The following CHEK1 variants were observed in gnomAD, a reference collection of about 807,000 sequenced individuals.
The protein encoded by CHEK1 is checkpoint kinase 1, also known as serine/threonine-protein kinase Chk1.
Under a neutral mutation model 60.2 loss-of-function variants are expected in CHEK1, and 32 were observed. That is an observed-to-expected ratio of 0.53 (90% CI 0.40 to 0.71). CHEK1 has a LOEUF of 0.71. Among genes scored for constraint, CHEK1 ranks in the 30% least tolerant of loss-of-function variants. The pLI, the probability that CHEK1 is intolerant of heterozygous loss-of-function variation, is 0.00. For synonymous variants in CHEK1, 179 were observed against 187.2 expected (o/e 0.96, Z 0.36); for missense variants, 399 against 564.6 (o/e 0.71, Z 2.97).
At chr11:125,651,284 C>CTTTTTTTTTTTTT (rs1491232730) in intron 11 of CHEK1, among the ~76,000 whole-genome samples, 1 of 133,190 alleles carries the variant, frequency 7.5e-6, no homozygotes. Context: ...AAAGACAAGC[C>CTTTTTTTTTTTTT]TCTTTTTTTT....
In CHEK1 at chr11:125,626,060, T is replaced by C. The variant is rs113393331; in HGVS notation, c.-21+48T>C. On this transcript the variant is annotated intron_variant, in intron 1 of 12. Coordinates refer to ENST00000438015, the MANE Select transcript of CHEK1 (RefSeq NM_001114122.3). ...GTAGGGAAGGTTTCTAAAGAAGGAG[T>C]TCGGGGTCTAGATTAGTGAGGGAGG... 232 of 684,622 alleles carry C rather than the reference T, an allele frequency of 3.4e-4. 1 individual carries two copies. The African/African-American group carries it at 3.7e-3, about 11-fold the overall frequency. The allele number at this position is 684,622 out of a possible 1,614,324, so 42.4% of individuals were successfully genotyped here.
chr11:125,635,583 T>A, intron 7 of CHEK1, 50 bp downstream of exon 7: 1 of 1,188,922 alleles, frequency 8.4e-7, no homozygotes, highest in Non-Finnish European at 1.2e-6. Flanking sequence ...GGATATGAAG[T>A]CTTGTGCTAT....
At chr11:125,640,430 A>G (rs1317537687) in intron 8 of CHEK1, among the ~76,000 whole-genome samples, 2 of 150,314 alleles carry the variant, frequency 1.3e-5, no homozygotes, top group African/African-American at 4.9e-5. Context: ...AGTCCCAGCT[A>G]CTCGGGAGGC....
rs543576089 is a variant in CHEK1, at chr11:125,652,617, A to G, written c.1234-1129A>G. 2.8e-4 allele frequency among the ~76,000 whole-genome samples: 42 copies of G among 152,266 alleles called. No homozygotes were observed. In the South Asian group the frequency reaches 6.9e-3, roughly 25 times the overall value. ...GTTGGGGACACACATACCCACTGGG[A>G]GAAGAGAGACTCTGGAATGAGTGAG... On this transcript the variant is annotated intron_variant, in intron 11 of 12. Transcript: ENST00000438015.
At chr11:125,680,415 A>G (rs1942742989), downstream of CHEK1, among the ~76,000 whole-genome samples, 1 of 152,178 alleles carries the variant, frequency 6.6e-6, no homozygotes, top group African/African-American at 2.4e-5. Context: ...AATTGGTGGG[A>G]CAAACCTTCA....
At chr11:125,630,530 C>T (rs1469238966) in intron 5 of CHEK1, among the ~76,000 whole-genome samples, 1 of 151,764 alleles carries the variant, frequency 6.6e-6, no homozygotes, top group East Asian at 2.0e-4. Context: ...AGGCTGGTCT[C>T]GAGCTCCTGG....
chr11:125,680,810 G>A (rs76702021), downstream of CHEK1: 8 of 1,590,192 alleles, frequency 5.0e-6, no homozygotes, highest in East Asian at 1.8e-4. Context: ...GGACCCCAGT[G>A]TGGGCCACAG....
At chr11:125,629,067 T>A (rs958205568) in intron 3 of CHEK1, among the ~76,000 whole-genome samples, 165 bp from the exon 4 acceptor site, 5 of 152,206 alleles carry the variant, frequency 3.3e-5, no homozygotes, top group Admixed American at 3.3e-4. Flanking sequence ...CACAGGTAAA[T>A]GTGAGTTAAG....
chr11:125,663,042 T>C (rs1486747019), intron 13 of CHEK1, among the ~76,000 whole-genome samples: 3 of 152,178 alleles, frequency 2.0e-5, no homozygotes, highest in Non-Finnish European at 2.9e-5. Flanking sequence ...TCATGTCTTT[T>C]GTTCGTGTTC....
At chr11:125,663,358 A>G (rs1334733996) in intron 13 of CHEK1, among the ~76,000 whole-genome samples, 2 of 152,128 alleles carry the variant, frequency 1.3e-5, no homozygotes, top group Admixed American at 1.3e-4. Flanking sequence ...AAGCATTTCA[A>G]ATTAATTTTC....
chr11:125,630,012 C>T (rs1259846164), intron 5 of CHEK1, among the ~76,000 whole-genome samples: 2 of 152,064 alleles, frequency 1.3e-5, no homozygotes, highest in African/African-American at 2.4e-5. Context: ...ACGTGAGCCA[C>T]CATGCCTGGC....
At chr11:125,647,095 C>T (rs1941533104) in intron 11 of CHEK1, among the ~76,000 whole-genome samples, 2 of 152,136 alleles carry the variant, frequency 1.3e-5, no homozygotes, top group Non-Finnish European at 2.9e-5. Flanking sequence ...GTCCCAGCCT[C>T]CTAAGTAGCG....
At chr11:125,637,134 C>T (rs942357275) in intron 7 of CHEK1, among the ~76,000 whole-genome samples, 5 of 152,048 alleles carry the variant, frequency 3.3e-5, no homozygotes, top group Non-Finnish European at 7.4e-5. Flanking sequence ...TAATGAAATT[C>T]GGTATTGAAA....
Position 125,644,136 on chromosome 11 carries a change from A to G in CHEK1, c.969A>G (p.Thr323=). The change falls in exon 10 of 13, where the codon ACA becomes ACG. Residue 323 remains threonine, a synonymous_variant. Transcript: ENST00000438015. ...CCAGTTCTCAGCCAGAACCCCGCAC[A>G]GGTCTTTCCTTATGGGATACCAGCC... ...KYSSSQPEPR[T]GLSLWDTSPS... 1 of 1,614,062 alleles carries G rather than the reference A, an allele frequency of 6.2e-7. No individual in the cohort carries two copies. Among genetic ancestry groups the G allele is most frequent in the East Asian group, 2.2e-5 (1 of 44,884 alleles).
chr11:125,681,043 G>T, downstream of CHEK1: 1 of 289,400 alleles, frequency 3.5e-6, no homozygotes. This position sits in a 1 kb window ranked among gnomAD's most constrained non-coding sequence, Gnocchi z 4.2. Flanking sequence ...GTAGTGTGTT[G>T]GGGCTATCTG....
At position 125,625,780 on chromosome 11, in the gene CHEK1, A is replaced by T. The variant is rs116191495; in HGVS notation, c.-253A>T. The T allele has an allele frequency of 2.1e-3, 1,442 of 694,784 alleles. 22 individuals carry two copies. In the African/African-American group the frequency reaches 0.022, roughly 11 times the overall value. 43.0% of individuals were successfully genotyped at this position (694,784 alleles called of 1,614,324 possible). Reference sequence around the variant, plus strand: ...GCGCCGATGCGGTCCGCCGTCCTTAAATCTCTTCAGCCAGGATCTCTCCCC... The same window carrying T: ...GCGCCGATGCGGTCCGCCGTCCTTATATCTCTTCAGCCAGGATCTCTCCCC... On this transcript the variant is annotated 5_prime_UTR_variant, in exon 1 of 13. It removes the in-frame stop codon of an upstream open reading frame in the 5' UTR. Transcript: ENST00000438015.
downstream of CHEK1, among the ~76,000 whole-genome samples, chr11:125,658,974 C>T (rs941355246): frequency 6.6e-6 from 1 of 152,082 alleles, no homozygotes; most frequent in Non-Finnish European, 1.5e-5. Context: ...GTGTGAGCCA[C>T]CATGTCTGCC....
intron 8 of CHEK1, among the ~76,000 whole-genome samples, chr11:125,640,157 C>A (rs980184494): frequency 1.3e-5 from 2 of 152,190 alleles, no homozygotes; most frequent in South Asian, 2.1e-4. Flanking sequence ...ATTTTTGGAA[C>A]GTGTTGCCAA....
intron 3 of CHEK1, among the ~76,000 whole-genome samples, chr11:125,628,350 T>C (rs1006543602): frequency 6.6e-5 from 10 of 152,330 alleles, no homozygotes; most frequent in Admixed American, 2.6e-4. Flanking sequence ...AGGATTGATA[T>C]TTCAGAACAC....
Sources: allele counts gnomAD v4.1 joint callset (sites outside exome capture counted in the v4.1 genomes callset), GRCh38; gene constraint gnomAD v4.1.1; non-coding constraint Gnocchi (gnomAD v3.1); transcripts MANE v1.5; gene names NCBI Gene and HGNC (gene_info 2026-07-23, HGNC 2026-07-21).